PCNT: variants seen among roughly 807,000 people sequenced by gnomAD.
PCNT encodes the protein kendrin.
PCNT carries 319 observed loss-of-function variants against 380.4 expected under a neutral mutation model. The observed-to-expected ratio is 0.84, with a 90% CI of 0.77 to 0.92. The LOEUF (loss-of-function observed/expected upper bound fraction) is 0.92, where lower values mean the gene tolerates loss of function less well. Ranked by LOEUF, PCNT falls within the 40% of genes least tolerant of loss-of-function variation. The pLI, the probability that PCNT is intolerant of heterozygous loss-of-function variation, is 0.00. For missense variants in PCNT, 4,400 were observed against 4,255.3 expected, an observed-to-expected ratio of 1.03 and a Z score of -0.95; for synonymous variants, 1,845 against 1,735.2, an observed-to-expected ratio of 1.06 and a Z score of -1.57.
chr21:46,364,781 G>A (rs928976035), intron 14 of PCNT, among the ~76,000 whole-genome samples: 5 of 151,790 alleles, frequency 3.3e-5, no homozygotes, highest in East Asian at 1.9e-4. Flanking sequence ...ACAGGGCCCC[G>A]CTCAGGGATT....
chr21:46,425,565 C>T lies in PCNT; in HGVS notation c.7180-266C>T, dbSNP rs576742068. 2.6e-5 allele frequency among the ~76,000 whole-genome samples: 4 copies of T among 152,322 alleles called. No individual in the cohort carries two copies. The South Asian group carries it at 6.2e-4, about 24-fold the overall frequency. On this transcript the variant is annotated intron_variant, in intron 32 of 46. Transcript: ENST00000359568. This position sits in a 1 kb window ranked among gnomAD's most constrained non-coding sequence, Gnocchi z 4.2. ...GGAGCAGGTGGAGTGGAGGAAGTGG[C>T]GGGGCCATCTTTGGAGTGGCTTATA...
At chr21:46,326,643 T>C in intron 2 of PCNT, 54 bp downstream of exon 2, 2 of 1,529,592 alleles carry the variant, frequency 1.3e-6, no homozygotes, top group Non-Finnish European at 1.8e-6. Context: ...TAGTGATTTC[T>C]AGTGTGATTT....
chr21:46,426,751 C>G (rs898717645), intron 33 of PCNT, among the ~76,000 whole-genome samples: 2 of 152,218 alleles, frequency 1.3e-5, no homozygotes, highest in Admixed American at 1.3e-4. Context: ...CCCTGCCTGT[C>G]TGCTTCCATC....
chr21:46,413,002 G>T lies in PCNT; in HGVS notation c.6150+10G>T, dbSNP rs886057186. The T allele has an allele frequency of 1.9e-6, 3 of 1,602,654 alleles. No homozygotes were observed. Among genetic ancestry groups the T allele is most frequent in the Non-Finnish European group, 8.5e-7 (1 of 1,178,102 alleles). ...GGAGGACGGCGGCAAGGTGTGGGGA[G>T]GGGGGAAGGCGCGAGGTCCCCCCGG... is the stretch of plus-strand genomic sequence containing the variant. On this transcript the variant is annotated intron_variant, in intron 29 of 46. Transcript: ENST00000359568.
At chr21:46,384,761 C>G (rs1234448739) in intron 16 of PCNT, among the ~76,000 whole-genome samples, 1 of 140,692 alleles carries the variant, frequency 7.1e-6, no homozygotes, top group Non-Finnish European at 1.6e-5. Context: ...GAAGCGCATT[C>G]ACGGTGTTGT....
chr21:46,338,778 G>GTATT (rs994666322), intron 3 of PCNT, among the ~76,000 whole-genome samples: 20 of 150,518 alleles, frequency 1.3e-4, no homozygotes, highest in Admixed American at 4.0e-4. Context: ...GCTAATTTTT[G>GTATT]TATTTATTTA....
At chr21:46,384,930 C>T (rs1298854783) in intron 16 of PCNT, among the ~76,000 whole-genome samples, 1 of 152,088 alleles carries the variant, frequency 6.6e-6, no homozygotes, top group Non-Finnish European at 1.5e-5. Context: ...TTCAGTGGTG[C>T]AGGCACATTC....
chr21:46,353,428 A>G, intron 10 of PCNT, 102 bp downstream of exon 10: 2 of 936,486 alleles, frequency 2.1e-6, no homozygotes, highest in Admixed American at 1.8e-5. Flanking sequence ...GTAGGCACCA[A>G]TGGCCTTTTA....
At chr21:46,394,731 C>T (rs879071360) in intron 21 of PCNT, among the ~76,000 whole-genome samples, 1 of 152,228 alleles carries the variant, frequency 6.6e-6, no homozygotes, top group South Asian at 2.1e-4. Flanking sequence ...AGGAGCATTT[C>T]TCTAACGGTC....
chr21:46,341,241 G>C (rs553540197), intron 3 of PCNT, among the ~76,000 whole-genome samples: 1 of 152,148 alleles, frequency 6.6e-6, no homozygotes, highest in East Asian at 1.9e-4. Flanking sequence ...CTATTATTTT[G>C]GGTCTGCCGT....
intron 43 of PCNT, among the ~76,000 whole-genome samples, chr21:46,441,628 T>A (rs1397680636): frequency 1.3e-5 from 2 of 152,096 alleles, no homozygotes; most frequent in East Asian, 1.9e-4. Flanking sequence ...GGGCACTTTG[T>A]CTCCTCGTCT....
rs1197867725 is a variant in PCNT, at chr21:46,432,208, A to G, written c.8744A>G (p.Glu2915Gly). 6.2e-6 allele frequency: 10 copies of G among 1,609,240 alleles called. No individual in the cohort carries two copies. The highest frequency in any genetic ancestry group is 8.5e-6 in the Non-Finnish European group (10 of 1,178,636). Residue 2915 changes from glutamate (E) to glycine (G), a missense_variant, in exon 38 of 47, where the codon GAG (glutamate) becomes GGG (glycine). Physicochemically the swap from Glu to Gly is moderately conservative, Grantham distance 98 (BLOSUM62 -2). Coordinates refer to ENST00000359568, the MANE Select transcript of PCNT (RefSeq NM_006031.6). Reference protein sequence around the residue: ...EQWRKWQRDKEKLRELELQRQ... With the variant: ...EQWRKWQRDKGKLRELELQRQ... ...TGGAGGAAGTGGCAGAGAGACAAGG[A>G]GAAGCTGGTGAGAGCCGCCTGCCGG... is the stretch of plus-strand genomic sequence containing the variant.
chr21:46,363,054 A>T (rs952781394), intron 13 of PCNT, among the ~76,000 whole-genome samples: 3 of 152,058 alleles, frequency 2.0e-5, no homozygotes, highest in African/African-American at 7.2e-5. Context: ...TGGGCATCCG[A>T]TCATGCTTGC....
At chr21:46,357,439 TTC>T (rs1246087653) in intron 13 of PCNT, among the ~76,000 whole-genome samples, 2 of 152,180 alleles carry the variant, frequency 1.3e-5, no homozygotes, top group East Asian at 3.9e-4. Context: ...GAGTGAAGAT[TTC>T]TTTTTGTTTT....
Position 46,442,176 on chromosome 21 carries a change from G to A in PCNT, c.9624-321G>A, listed in dbSNP as rs557673557. Reference sequence around the variant, plus strand: ...TGTTTCCTAGTCACTGGTGTGGCCGGCTGACTTTGAACTGGAGTCGTCCTG... The same window carrying A: ...TGTTTCCTAGTCACTGGTGTGGCCGACTGACTTTGAACTGGAGTCGTCCTG... On this transcript the variant is annotated intron_variant, in intron 43 of 46. Coordinates refer to ENST00000359568, the MANE Select transcript of PCNT (RefSeq NM_006031.6). Among the ~76,000 whole-genome samples the A allele has an allele frequency of 9.5e-4, 144 of 152,302 alleles. 1 individual carries two copies. Among genetic ancestry groups the A allele is most frequent in the Middle Eastern group, 6.8e-3 (2 of 294 alleles).
intron 43 of PCNT, among the ~76,000 whole-genome samples, chr21:46,441,934 G>C (rs576167761): frequency 6.6e-6 from 1 of 152,158 alleles, no homozygotes; most frequent in Non-Finnish European, 1.5e-5. Context: ...CCTCAAAGGA[G>C]GGAAGCCACA....
intron 38 of PCNT, among the ~76,000 whole-genome samples, chr21:46,433,339 C>A (rs1019677927): frequency 1.3e-5 from 2 of 152,230 alleles, no homozygotes; most frequent in Non-Finnish European, 2.9e-5. Context: ...GCCGGGATTG[C>A]ACCGCTGCAC....
chr21:46,430,688 A>C (rs765854312), intron 37 of PCNT, 31 bp downstream of exon 37: 3 of 1,558,432 alleles, frequency 1.9e-6, no homozygotes, highest in Non-Finnish European at 2.6e-6. Context: ...GGCAGCCGGC[A>C]TGGGCTGTGT....
At chr21:46,399,374 TGGGTCTCTCTGTGC>T (rs2086341510) in intron 24 of PCNT, among the ~76,000 whole-genome samples, 3 of 151,778 alleles carry the variant, frequency 2.0e-5, no homozygotes, top group Admixed American at 6.6e-5. Context: ...CCTGTGGGTC[TGGGTCTCTCTGTGC>T]AGCCTGTGGG....
Sources: allele counts gnomAD v4.1 joint callset (sites outside exome capture counted in the v4.1 genomes callset), GRCh38; gene constraint gnomAD v4.1.1; non-coding constraint Gnocchi (gnomAD v3.1); transcripts MANE v1.5; gene names NCBI Gene and HGNC (gene_info 2026-07-23, HGNC 2026-07-21).